The following GRID1 variants were observed in gnomAD, a reference collection of about 807,000 sequenced individuals.
GRID1 encodes the protein glutamate ionotropic receptor delta type subunit 1.
In GRID1, 28 loss-of-function variants were observed where a neutral mutation model predicts 98.0. The ratio of observed to expected loss-of-function variants is 0.29; its 90% CI spans 0.21 to 0.39. The LOEUF is 0.39. Among genes scored for constraint, GRID1 ranks in the 10% least tolerant of loss-of-function variants. The pLI, the probability that GRID1 is intolerant of heterozygous loss-of-function variation, is 1.00. For synonymous variants in GRID1, 553 were observed against 538.5 expected (o/e 1.03, Z -0.37); for missense variants, 1,111 against 1,340.5 (o/e 0.83, Z 2.67).
intron 2 of GRID1, among the ~76,000 whole-genome samples, chr10:86,253,443 C>T (rs1361604401): frequency 6.6e-6 from 1 of 152,232 alleles, no homozygotes; most frequent in Admixed American, 6.5e-5. Flanking sequence ...GTGAGGCTTC[C>T]TGGGGCCATC....
At chr10:85,660,496 A>T (rs879577150) in intron 12 of GRID1, among the ~76,000 whole-genome samples, 3 of 152,084 alleles carry the variant, frequency 2.0e-5, no homozygotes, top group African/African-American at 4.8e-5. Flanking sequence ...CTTTCATGGG[A>T]TCCTTGTGAC....
chr10:86,044,650 A>G (rs1278528358), intron 4 of GRID1, among the ~76,000 whole-genome samples: 1 of 152,232 alleles, frequency 6.6e-6, no homozygotes, highest in Non-Finnish European at 1.5e-5. Context: ...AGGGTCCCCC[A>G]TGGAATCCCC....
intron 4 of GRID1, among the ~76,000 whole-genome samples, chr10:86,008,890 A>AGTT: frequency 6.6e-6 from 1 of 152,186 alleles, no homozygotes; most frequent in East Asian, 1.9e-4. Flanking sequence ...ACTCTTGCAC[A>AGTT]TGTACAGCAG....
At chr10:86,184,402 TA>T (rs1490372654) in intron 3 of GRID1, among the ~76,000 whole-genome samples, 1 of 151,800 alleles carries the variant, frequency 6.6e-6, no homozygotes, top group Admixed American at 6.6e-5. Flanking sequence ...CTTGTGTCTG[TA>T]AAGTATTTTG....
chr10:85,975,594 C>A (rs1185700190), intron 4 of GRID1, among the ~76,000 whole-genome samples: 4 of 152,174 alleles, frequency 2.6e-5, no homozygotes, highest in African/African-American at 9.7e-5. Context: ...AGCTGAATGG[C>A]CTCCCTGCGG....
chr10:85,718,779 T>C (rs1841668199), intron 12 of GRID1, among the ~76,000 whole-genome samples: 1 of 152,198 alleles, frequency 6.6e-6, no homozygotes, highest in Non-Finnish European at 1.5e-5. Context: ...TGAAGGTCTC[T>C]GACATGGCCT....
At chr10:86,068,388 G>C (rs546948890) in intron 4 of GRID1, among the ~76,000 whole-genome samples, 17 of 152,310 alleles carry the variant, frequency 1.1e-4, no homozygotes, top group Admixed American at 9.1e-4. Flanking sequence ...CAGGGAGAGA[G>C]AAAACTTCCC....
At chr10:86,098,644 G>A (rs1380867436) in intron 4 of GRID1, among the ~76,000 whole-genome samples, 1 of 152,156 alleles carries the variant, frequency 6.6e-6, no homozygotes, top group African/African-American at 2.4e-5. Context: ...ACCAGGTTAC[G>A]GGCAAGTGTT....
At chr10:85,925,611 C>T (rs927262042) in intron 4 of GRID1, among the ~76,000 whole-genome samples, 1 of 152,214 alleles carries the variant, frequency 6.6e-6, no homozygotes, top group Non-Finnish European at 1.5e-5. Flanking sequence ...GTTTTCTCCT[C>T]CCTCATACTG....
At chr10:85,909,447 A>G (rs1398393607) in intron 5 of GRID1, among the ~76,000 whole-genome samples, 2 of 152,258 alleles carry the variant, frequency 1.3e-5, no homozygotes, top group Non-Finnish European at 2.9e-5. Flanking sequence ...CTTATACATA[A>G]ATGTTCATAG....
chr10:86,298,936 AGTGGACAGCATCCC>A (rs373387351), intron 2 of GRID1, among the ~76,000 whole-genome samples: 123 of 152,272 alleles, frequency 8.1e-4, no homozygotes, highest in Middle Eastern at 3.4e-3. Flanking sequence ...GTGAGGAAGG[AGTGGACAGCATCCC>A]GTCTTCCAGA....
chr10:86,281,450 A>G (rs1847355991), intron 2 of GRID1, among the ~76,000 whole-genome samples: 1 of 152,168 alleles, frequency 6.6e-6, no homozygotes, highest in Non-Finnish European at 1.5e-5. Flanking sequence ...GGAAAACTGT[A>G]ACATTTCTGC....
intron 2 of GRID1, among the ~76,000 whole-genome samples, chr10:86,218,339 T>C (rs1488558674): frequency 6.6e-6 from 1 of 152,134 alleles, no homozygotes; most frequent in Non-Finnish European, 1.5e-5. Flanking sequence ...ATTTGGAAGC[T>C]GACCAGGATG....
intron 8 of GRID1, among the ~76,000 whole-genome samples, chr10:85,844,931 C>T (rs1301270151): frequency 2.6e-5 from 4 of 151,712 alleles, no homozygotes; most frequent in Non-Finnish European, 5.9e-5. Context: ...ACTAGGAATT[C>T]AAGGGAATTG....
intron 2 of GRID1, among the ~76,000 whole-genome samples, chr10:86,216,686 A>C (rs1174302773): frequency 6.6e-6 from 1 of 152,158 alleles, no homozygotes; most frequent in African/African-American, 2.4e-5. Context: ...CTGGCAAAGG[A>C]AGGGAGAGAC....
rs186497400 is a variant in GRID1, at chr10:86,138,161, A to C, written c.726+658T>G. ...TCTCTGCCATTAGACTACCTGGGCC[A>C]GCGCCAATCAGCCAACTCATAGGTT... On this transcript the variant is annotated intron_variant, in intron 4 of 15. Transcript: ENST00000327946. 8.5e-4 allele frequency among the ~76,000 whole-genome samples: 130 copies of C among 152,298 alleles called. 1 individual carries two copies. Among genetic ancestry groups the C allele is most frequent in the Middle Eastern group, 6.8e-3 (2 of 294 alleles).
At position 85,802,838 on chromosome 10, in the gene GRID1, AACACACACACACACACACACAC is replaced by A. The variant is rs59101010; in HGVS notation, c.1233+51636_1233+51657del. 5.8e-5 allele frequency among the ~76,000 whole-genome samples: 7 copies of A among 120,966 alleles called. 1 individual carries two copies. The highest frequency in any genetic ancestry group is 9.4e-5 in the African/African-American group (3 of 31,764). 79.4% of individuals were successfully genotyped at this position (120,966 alleles called of 152,430 possible). On this transcript the variant is annotated intron_variant, in intron 8 of 15. Transcript: ENST00000327946. ...GAACTCCAAGCATCCAAGCAGAATAAACACACACACACACACACACACACACACACACACACACACACACACA... is the reference window on the plus strand; with the variant it reads ...GAACTCCAAGCATCCAAGCAGAATAAACACACACACACACACACACACACA...
chr10:86,046,091 C>T (rs1488167759), intron 4 of GRID1, among the ~76,000 whole-genome samples: 1 of 152,144 alleles, frequency 6.6e-6, no homozygotes, highest in Non-Finnish European at 1.5e-5. Context: ...AAGACACACC[C>T]ACCGTTGTGC....
intron 4 of GRID1, among the ~76,000 whole-genome samples, chr10:86,049,611 A>G (rs916125373): frequency 2.0e-5 from 3 of 152,202 alleles, no homozygotes; most frequent in African/African-American, 7.2e-5. Flanking sequence ...TTACCCAGCA[A>G]TGGGAACCCT....
Sources: allele counts gnomAD v4.1 joint callset (sites outside exome capture counted in the v4.1 genomes callset), GRCh38; gene constraint gnomAD v4.1.1; transcripts MANE v1.5; gene names NCBI Gene and HGNC (gene_info 2026-07-23, HGNC 2026-07-21).